The following DPP10 variants were observed in gnomAD, a reference collection of about 807,000 sequenced individuals.
The protein encoded by DPP10 is dipeptidyl peptidase like 10.
In DPP10, 33 loss-of-function variants were observed where a neutral mutation model predicts 120.9. The ratio of observed to expected loss-of-function variants is 0.27; its 90% CI spans 0.21 to 0.37. The LOEUF is 0.37. DPP10 is among the 10% of genes least tolerant of loss of function. DPP10 has a pLI of 1.00. For synonymous variants in DPP10, 337 were observed against 326.1 expected (o/e 1.03, Z -0.36); for missense variants, 816 against 942.8 (o/e 0.87, Z 1.76).
At chr2:115,622,906 T>C (rs558518149) in intron 5 of DPP10, among the ~76,000 whole-genome samples, 17 of 151,132 alleles carry the variant, frequency 1.1e-4, no homozygotes, top group African/African-American at 3.4e-4. Flanking sequence ...GCAGTGGCTC[T>C]ATCTCTGCTC....
intron 1 of DPP10, among the ~76,000 whole-genome samples, chr2:114,694,414 A>G (rs1282733717): frequency 6.6e-6 from 1 of 151,996 alleles, no homozygotes; most frequent in African/African-American, 2.4e-5. Flanking sequence ...TAATCGAAAC[A>G]TAGTTTTTTG....
At chr2:114,767,121 GCTTAAAGCTAAA>G (rs1680781015) in intron 1 of DPP10, among the ~76,000 whole-genome samples, 1 of 81,100 alleles carries the variant, frequency 1.2e-5, no homozygotes, top group Non-Finnish European at 2.5e-5. Flanking sequence ...AAAAAAAAAA[GCTTAAAGCTAAA>G]ATTAAAAAAC....
rs185049574 is a variant in DPP10 at position 114,783,772 on chromosome 2, T to C, written c.60+340934T>C. Among the ~76,000 whole-genome samples the C allele has an allele frequency of 1.4e-3, 210 of 152,086 alleles. 2 individuals carry two copies. The highest frequency in any genetic ancestry group is 2.3e-3 in the Non-Finnish European group (155 of 67,920). ...TTGCTTGAGCCCAGGAGGTCTAGGC[T>C]GCAGTGAGCTGTGTTTGCGTCACTG... On this transcript the variant is annotated intron_variant, in intron 1 of 25. Transcript: ENST00000410059.
chr2:114,985,246 T>C (rs1274443435), intron 1 of DPP10, among the ~76,000 whole-genome samples: 1 of 152,202 alleles, frequency 6.6e-6, no homozygotes, highest in African/African-American at 2.4e-5. Flanking sequence ...TCTTGAATGC[T>C]CTTCCCTAGC....
At chr2:114,540,123 C>T (rs958662740) in intron 1 of DPP10, among the ~76,000 whole-genome samples, 1 of 152,218 alleles carries the variant, frequency 6.6e-6, no homozygotes, top group Non-Finnish European at 1.5e-5. Context: ...CAGCCTCTCT[C>T]ATGAGACCAA....
intron 1 of DPP10, among the ~76,000 whole-genome samples, chr2:114,961,265 G>A (rs1698606605): frequency 6.6e-6 from 1 of 151,916 alleles, no homozygotes; most frequent in African/African-American, 2.4e-5. Flanking sequence ...TGTTGGTCAG[G>A]CTGGTCTCGA....
chr2:114,655,177 C>T (rs756477270), intron 1 of DPP10, among the ~76,000 whole-genome samples: 3 of 152,058 alleles, frequency 2.0e-5, no homozygotes, highest in Non-Finnish European at 2.9e-5. Context: ...ATGTTGGTTG[C>T]TATTATGATT....
intron 1 of DPP10, among the ~76,000 whole-genome samples, chr2:114,655,988 GTGT>G (rs1196745339): frequency 6.6e-6 from 1 of 152,116 alleles, no homozygotes; most frequent in East Asian, 1.9e-4. Context: ...ATCGAATTAG[GTGT>G]TGTAAGTTTA....
intron 5 of DPP10, among the ~76,000 whole-genome samples, chr2:115,592,433 C>T (rs975382156): frequency 4.6e-5 from 7 of 151,868 alleles, no homozygotes; most frequent in African/African-American, 1.7e-4. Flanking sequence ...GAAAGGCATA[C>T]AAAAGGCCTT....
intron 16 of DPP10, 27 bp from the exon 17 acceptor site, chr2:115,782,325 A>T: frequency 6.3e-7 from 1 of 1,590,468 alleles, no homozygotes; most frequent in South Asian, 1.1e-5. Flanking sequence ...CTTTAAAAAT[A>T]TTTATACACA....
intron 1 of DPP10, among the ~76,000 whole-genome samples, chr2:114,620,503 T>A (rs1222460812): frequency 1.3e-5 from 2 of 152,078 alleles, no homozygotes; most frequent in Non-Finnish European, 2.9e-5. Flanking sequence ...TGAAGTCTTA[T>A]ATTTAATTAA....
rs182811178 is a variant in DPP10, at chr2:115,814,063, G to C, written c.1701-730G>C. Among the ~76,000 whole-genome samples the C allele has an allele frequency of 3.4e-3, 519 of 152,190 alleles. 2 individuals carry two copies. The highest frequency in any genetic ancestry group is 0.012 in the African/African-American group (496 of 41,516). On this transcript the variant is annotated intron_variant, in intron 19 of 25. Transcript: ENST00000410059. ...AATTAACTAATAAATATTTTAAGCT[G>C]ACATTTTAAAATTGTACCTTCTTTT...
In DPP10 at chr2:114,538,286, G is replaced by A. The variant is rs146681222; in HGVS notation, c.60+95448G>A. 1.8e-3 allele frequency among the ~76,000 whole-genome samples: 274 copies of A among 152,292 alleles called. 1 individual carries two copies. The highest frequency in any genetic ancestry group is 6.4e-3 in the African/African-American group (268 of 41,570). ...AGAGAAGAAAGAAGAGGAAAGGAAA[G>A]CAATGCTCAGCTCTTCCATGTAACA... On this transcript the variant is annotated intron_variant, in intron 1 of 25. Transcript: ENST00000410059.
intron 3 of DPP10, among the ~76,000 whole-genome samples, chr2:115,384,914 C>T (rs1419297301): frequency 1.3e-5 from 2 of 152,180 alleles, no homozygotes; most frequent in African/African-American, 4.8e-5. Flanking sequence ...TAATTTGAAT[C>T]CTGGTGGTGG....
intron 1 of DPP10, among the ~76,000 whole-genome samples, chr2:114,656,196 C>T (rs1696956076): frequency 6.6e-6 from 1 of 152,014 alleles, no homozygotes; most frequent in Non-Finnish European, 1.5e-5. Context: ...AAAACTTTGG[C>T]CAAATTATCA....
intron 1 of DPP10, among the ~76,000 whole-genome samples, chr2:115,036,133 A>C (rs764652676): frequency 1.3e-4 from 20 of 152,212 alleles, no homozygotes; most frequent in Non-Finnish European, 1.9e-4. Flanking sequence ...GCAAAGGAGA[A>C]GCAGGCACCT....
intron 5 of DPP10, among the ~76,000 whole-genome samples, chr2:115,684,857 C>A (rs966400353): frequency 5.3e-5 from 8 of 151,900 alleles, no homozygotes; most frequent in Non-Finnish European, 1.2e-4. Flanking sequence ...AAAATGAAAT[C>A]TCTCTTAACT....
chr2:115,781,351 C>A, intron 16 of DPP10, among the ~76,000 whole-genome samples: 1 of 151,836 alleles, frequency 6.6e-6, no homozygotes, highest in East Asian at 1.9e-4. Flanking sequence ...CTTTTTAAAA[C>A]AATGCTTTGG....
chr2:115,089,400 G>A (rs948881227), intron 1 of DPP10, among the ~76,000 whole-genome samples: 3 of 152,076 alleles, frequency 2.0e-5, no homozygotes, highest in Non-Finnish European at 2.9e-5. Context: ...CTGTCTCCAA[G>A]ACTAGATGAG....
Sources: gnomAD v4.1 joint callset for allele counts (sites outside exome capture counted in the v4.1 genomes callset) on GRCh38, gnomAD v4.1.1 for gene constraint, MANE v1.5 for transcripts, NCBI Gene and HGNC (gene_info 2026-07-23, HGNC 2026-07-21) for gene names.